The following SOCS5 variants were observed in gnomAD, a reference collection of about 807,000 sequenced individuals.
SOCS5 encodes CIS-6.
In SOCS5, 32 loss-of-function variants were observed where a neutral mutation model predicts 42.8. The observed-to-expected ratio is 0.75, with a 90% CI of 0.56 to 1.01. SOCS5 has a LOEUF of 1.01. Among genes scored for constraint, SOCS5 ranks in the 50% least tolerant of loss-of-function variants. SOCS5 has a pLI of 0.00. For missense variants in SOCS5, 627 were observed against 653.0 expected, an observed-to-expected ratio of 0.96 and a Z score of 0.43; for synonymous variants, 283 against 229.6, an observed-to-expected ratio of 1.23 and a Z score of -2.10.
intron 1 of SOCS5, among the ~76,000 whole-genome samples, chr2:46,741,933 A>G (rs989949208): frequency 1.3e-5 from 2 of 152,210 alleles, no homozygotes; most frequent in Non-Finnish European, 2.9e-5. Flanking sequence ...AAAGATGTGC[A>G]TAGTTTTCAA....
intron 1 of SOCS5, among the ~76,000 whole-genome samples, chr2:46,703,734 T>C (rs1301307340): frequency 6.6e-6 from 1 of 152,208 alleles, no homozygotes; most frequent in African/African-American, 2.4e-5. Flanking sequence ...TACAAATTAC[T>C]TTCTTAGTTT....
At chr2:46,700,398 C>T (rs998223594) in intron 1 of SOCS5, among the ~76,000 whole-genome samples, 3 of 152,182 alleles carry the variant, frequency 2.0e-5, no homozygotes, top group Non-Finnish European at 4.4e-5. Flanking sequence ...CTTGTAGCAA[C>T]CTCTCTATCC....
At chr2:46,742,018 T>C (rs775755904) in intron 1 of SOCS5, among the ~76,000 whole-genome samples, 7 of 152,210 alleles carry the variant, frequency 4.6e-5, no homozygotes, top group Non-Finnish European at 8.8e-5. Context: ...TGTGTGACAA[T>C]GCTACTTTCT....
intron 1 of SOCS5, among the ~76,000 whole-genome samples, chr2:46,713,169 A>G (rs1338793404): frequency 6.6e-6 from 1 of 152,208 alleles, no homozygotes; most frequent in Non-Finnish European, 1.5e-5. Flanking sequence ...CAGCTTGGGC[A>G]ACATAGGCAG....
In SOCS5 at chr2:46,699,872, G is replaced by A. The variant is rs911427441; in HGVS notation, c.-13+423G>A. On this transcript the variant is annotated intron_variant, in intron 1 of 1. Coordinates refer to ENST00000394861, the MANE Select transcript of SOCS5 (RefSeq NM_144949.3). The surrounding 1 kb of genome is among the most constrained non-coding windows in gnomAD (Gnocchi z 4.8). ...CACAGGCTGCAGGGAAGGGAGCACCGACCAAGTCACTTGGGGCTCCAAGAG... is the reference window on the plus strand; with the variant it reads ...CACAGGCTGCAGGGAAGGGAGCACCAACCAAGTCACTTGGGGCTCCAAGAG... Among the ~76,000 whole-genome samples, 2 of 152,058 alleles carry A rather than the reference G, an allele frequency of 1.3e-5. No homozygotes were observed. The highest frequency in any genetic ancestry group is 1.3e-4 in the Admixed American group (2 of 15,272).
At chr2:46,754,657 C>T (rs1044949990) in intron 1 of SOCS5, among the ~76,000 whole-genome samples, 4 of 151,788 alleles carry the variant, frequency 2.6e-5, no homozygotes, top group African/African-American at 9.7e-5. Flanking sequence ...TAGTGTAACT[C>T]TAAGGTTGAA....
intron 1 of SOCS5, among the ~76,000 whole-genome samples, chr2:46,754,949 A>G (rs180811963): frequency 3.3e-5 from 5 of 152,304 alleles, no homozygotes; most frequent in Middle Eastern, 3.4e-3. Flanking sequence ...AAATGCCACC[A>G]AAATATCAAT....
intron 1 of SOCS5, among the ~76,000 whole-genome samples, chr2:46,754,521 C>G (rs1673691224): frequency 6.6e-6 from 1 of 151,954 alleles, no homozygotes; most frequent in Non-Finnish European, 1.5e-5. Flanking sequence ...AGGTTTGGAA[C>G]CTAACATAAC....
At position 46,740,053 on chromosome 2, in the gene SOCS5, G is replaced by A. The variant is rs140761364; in HGVS notation, c.-12-18466G>A. 8.8e-3 allele frequency among the ~76,000 whole-genome samples: 1,338 copies of A among 152,346 alleles called. 8 individuals carry two copies. The highest frequency in any genetic ancestry group is 0.015 in the Non-Finnish European group (994 of 68,034). ...GGTATACTAGAATTCTAGGGAACATGAGTTATGAAATACTGGATAAGACCT... is the reference window on the plus strand; with the variant it reads ...GGTATACTAGAATTCTAGGGAACATAAGTTATGAAATACTGGATAAGACCT... On this transcript the variant is annotated intron_variant, in intron 1 of 1. Coordinates refer to ENST00000394861, the MANE Select transcript of SOCS5 (RefSeq NM_144949.3).
intron 1 of SOCS5, among the ~76,000 whole-genome samples, chr2:46,708,765 A>G (rs750795837): frequency 6.6e-6 from 1 of 152,072 alleles, no homozygotes; most frequent in Admixed American, 6.5e-5. Context: ...AGTACAACAC[A>G]GGATTCTTAG....
intron 1 of SOCS5, among the ~76,000 whole-genome samples, chr2:46,742,691 A>T (rs866020057): frequency 1.3e-5 from 2 of 151,730 alleles, no homozygotes; most frequent in Non-Finnish European, 2.9e-5. Flanking sequence ...TTTGAGACAG[A>T]GTCTCGCTCT....
chr2:46,723,146 G>GT (rs1002052457), intron 1 of SOCS5, among the ~76,000 whole-genome samples: 25 of 151,974 alleles, frequency 1.6e-4, no homozygotes, highest in African/African-American at 6.0e-4. Context: ...TGGAACAAAA[G>GT]TTTTTAATTT....
chr2:46,701,071 T>C (rs1044715271), intron 1 of SOCS5, among the ~76,000 whole-genome samples: 6 of 152,246 alleles, frequency 3.9e-5, no homozygotes, highest in Admixed American at 3.3e-4. Flanking sequence ...TATTTTCTCC[T>C]TATTGTCCTT....
chr2:46,725,516 C>A (rs1261771190), intron 1 of SOCS5, among the ~76,000 whole-genome samples: 1 of 151,988 alleles, frequency 6.6e-6, no homozygotes, highest in East Asian at 1.9e-4. Context: ...ATTTTTCCAC[C>A]TAAGTGAGTT....
chr2:46,717,693 G>A (rs904826731), intron 1 of SOCS5, among the ~76,000 whole-genome samples: 1 of 152,054 alleles, frequency 6.6e-6, no homozygotes, highest in African/African-American at 2.4e-5. Flanking sequence ...TTGGTTTTAT[G>A]CAATTTTGTA....
At chr2:46,720,090 A>ATTAT (rs1292569834) in intron 1 of SOCS5, among the ~76,000 whole-genome samples, 2 of 152,186 alleles carry the variant, frequency 1.3e-5, no homozygotes, top group Non-Finnish European at 2.9e-5. Context: ...CTGAAGTCTT[A>ATTAT]TTATTTAACC....
intron 1 of SOCS5, among the ~76,000 whole-genome samples, chr2:46,742,646 G>C (rs964832458): frequency 5.3e-5 from 8 of 151,936 alleles, no homozygotes; most frequent in African/African-American, 1.7e-4. Context: ...TATTTGAGAA[G>C]TCATAAGTTT....
chr2:46,712,041 T>G (rs1672633628), intron 1 of SOCS5, among the ~76,000 whole-genome samples: 1 of 152,206 alleles, frequency 6.6e-6, no homozygotes, highest in Non-Finnish European at 1.5e-5. Flanking sequence ...CAAGATTGTT[T>G]AGACTTTTTT....
In SOCS5 at chr2:46,699,615, G is replaced by C. The variant is rs1672298011; in HGVS notation, c.-13+166G>C. 6.6e-6 allele frequency among the ~76,000 whole-genome samples: 1 copy of C among 152,112 alleles called. No individual in the cohort carries two copies. Among genetic ancestry groups the C allele is most frequent in the Non-Finnish European group, 1.5e-5 (1 of 67,998 alleles). On this transcript the variant is annotated intron_variant, in intron 1 of 1. Transcript: ENST00000394861. The surrounding 1 kb of genome is among the most constrained non-coding windows in gnomAD (Gnocchi z 4.8). ...CAGCGCCGGCCTCTGGCTGGGATGG[G>C]CTGGCCGGGAAAAGGACTGCTAGCC...
Sources: gnomAD v4.1 joint callset for allele counts (sites outside exome capture counted in the v4.1 genomes callset) on GRCh38, gnomAD v4.1.1 for gene constraint, Gnocchi (gnomAD v3.1) non-coding constraint, MANE v1.5 for transcripts, NCBI Gene and HGNC (gene_info 2026-07-23, HGNC 2026-07-21) for gene names.